The following RALYL variants were observed in gnomAD, a reference collection of about 807,000 sequenced individuals.
RALYL encodes RALY RNA binding protein like.
In RALYL, 29 loss-of-function variants were observed where a neutral mutation model predicts 35.1. The ratio of observed to expected loss-of-function variants is 0.83; its 90% confidence interval spans 0.61 to 1.13. RALYL has a LOEUF of 1.13. Ranked by LOEUF, RALYL falls within the 50% of genes most tolerant of loss-of-function variation. The probability of loss-of-function intolerance (pLI) is 0.00; values close to 1 mark genes in which losing one functional copy is unlikely to be tolerated. For synonymous variants in RALYL, 120 were observed against 127.6 expected, an observed-to-expected ratio of 0.94 and a Z score of 0.40; for missense variants, 359 against 360.4, an observed-to-expected ratio of 1.00 and a Z score of 0.03.
At position 84,492,391 on chromosome 8, in the gene RALYL, CT is replaced by C. The variant is rs1564026173; in HGVS notation, c.-23-36907del. Among the ~76,000 whole-genome samples, 13 of 152,180 alleles carry C rather than the reference CT, an allele frequency of 8.5e-5. No individual in the cohort carries two copies. The South Asian group carries it at 2.5e-3, about 29-fold the overall frequency. On this transcript the variant is annotated intron_variant, in intron 1 of 8. Transcript: ENST00000521268. ...TACAAAACATTTTTTGCAAAATTTA[CT>C]GTATCATATCCATGTTCCAAAAGCA...
At chr8:84,767,712 C>T (rs1360996912) in intron 2 of RALYL, among the ~76,000 whole-genome samples, 1 of 152,088 alleles carries the variant, frequency 6.6e-6, no homozygotes, top group East Asian at 1.9e-4. Flanking sequence ...AGCTTCTCCA[C>T]GCAGATGTGA....
chr8:84,408,377 T>C (rs2043763183), intron 1 of RALYL, among the ~76,000 whole-genome samples: 1 of 152,184 alleles, frequency 6.6e-6, no homozygotes, highest in Non-Finnish European at 1.5e-5. Flanking sequence ...AAAAACTCTG[T>C]CATATATGCC....
At chr8:84,337,986 C>T (rs1290554189) in intron 1 of RALYL, among the ~76,000 whole-genome samples, 1 of 151,948 alleles carries the variant, frequency 6.6e-6, no homozygotes, top group African/African-American at 2.4e-5. Context: ...TCTTACAGCT[C>T]AAATTAGCTC....
At chr8:84,498,359 T>C (rs6473554) in intron 1 of RALYL, among the ~76,000 whole-genome samples, 57,340 of 151,822 alleles carry the variant, frequency 0.38, 10,901 homozygotes, top group South Asian at 0.51. Flanking sequence ...ATATCAAGTC[T>C]TTTTTATATT....
chr8:84,318,786 T>C (rs1844257763), intron 1 of RALYL, among the ~76,000 whole-genome samples: 1 of 152,168 alleles, frequency 6.6e-6, no homozygotes, highest in South Asian at 2.1e-4. Flanking sequence ...TCATAATGTT[T>C]ACAATATAGG....
intron 1 of RALYL, among the ~76,000 whole-genome samples, chr8:84,379,629 ACTG>A (rs1320602373): frequency 6.6e-6 from 1 of 151,782 alleles, no homozygotes; most frequent in Non-Finnish European, 1.5e-5. Context: ...AAGTTTCTTG[ACTG>A]CTTCTTCCAC....
chr8:84,612,607 C>T lies in RALYL; in HGVS notation c.256+83030C>T, dbSNP rs567953147. On this transcript the variant is annotated intron_variant, in intron 2 of 8. Transcript: ENST00000521268. ...ATAAACAGTCTTCAATATTCCTTTC[C>T]GGAGATAATACGATTCTTTTATGTG... Among the ~76,000 whole-genome samples the T allele has an allele frequency of 8.7e-4, 130 of 149,956 alleles. 1 individual carries two copies. In the South Asian group the frequency reaches 0.015, roughly 18 times the overall value.
chr8:84,755,247 A>G (rs1036119575), intron 2 of RALYL, among the ~76,000 whole-genome samples: 1 of 152,210 alleles, frequency 6.6e-6, no homozygotes, highest in African/African-American at 2.4e-5. Flanking sequence ...CTAAAAACAG[A>G]TGCTATGTCT....
chr8:84,245,088 A>G (rs988091431), intron 1 of RALYL, among the ~76,000 whole-genome samples: 9 of 152,158 alleles, frequency 5.9e-5, no homozygotes, highest in African/African-American at 1.9e-4. Flanking sequence ...GAGCTTGGAA[A>G]ATATCAATCT....
chr8:84,482,645 C>A (rs1472618700), intron 1 of RALYL, among the ~76,000 whole-genome samples: 1 of 151,852 alleles, frequency 6.6e-6, no homozygotes, highest in Non-Finnish European at 1.5e-5. Flanking sequence ...AGCTGTATAC[C>A]CCAAAATATA....
At chr8:84,252,308 T>G (rs1257409730) in intron 1 of RALYL, among the ~76,000 whole-genome samples, 1 of 152,156 alleles carries the variant, frequency 6.6e-6, no homozygotes, top group Admixed American at 6.6e-5. Flanking sequence ...TGATATATTT[T>G]TCAGAGTTAC....
intron 2 of RALYL, among the ~76,000 whole-genome samples, chr8:84,644,451 C>T (rs1305805703): frequency 6.6e-6 from 1 of 151,982 alleles, no homozygotes; most frequent in Non-Finnish European, 1.5e-5. Flanking sequence ...AGAAACTTCT[C>T]ATTTATTACA....
rs183900543 is a variant in RALYL, at chr8:84,509,676, T to G, written c.-23-19623T>G. ...ATTTCACATTTAGGTCAAGGATCCA[T>G]TCTGGGTTAATTTTTATAAAGGGTG... On this transcript the variant is annotated intron_variant, in intron 1 of 8. Coordinates refer to ENST00000521268, the MANE Select transcript of RALYL (RefSeq NM_173848.7). Among the ~76,000 whole-genome samples, 11 of 152,262 alleles carry G rather than the reference T, an allele frequency of 7.2e-5. No homozygotes were observed. In the East Asian group the frequency reaches 1.9e-3, roughly 27 times the overall value.
chr8:84,495,359 G>A lies in RALYL; in HGVS notation c.-23-33940G>A, dbSNP rs551794466. Among the ~76,000 whole-genome samples the A allele has an allele frequency of 7.9e-5, 12 of 152,132 alleles. No homozygotes were observed. In the East Asian group the frequency reaches 1.2e-3, roughly 15 times the overall value. On this transcript the variant is annotated intron_variant, in intron 1 of 8. Coordinates refer to ENST00000521268, the MANE Select transcript of RALYL (RefSeq NM_173848.7). Reference sequence around the variant, plus strand: ...GATAACTAAAACAGTGTCAGAGGGCGTAAAATACTTTGAGACATCAACTTG... The same window carrying A: ...GATAACTAAAACAGTGTCAGAGGGCATAAAATACTTTGAGACATCAACTTG...
intron 4 of RALYL, among the ~76,000 whole-genome samples, chr8:84,840,363 G>T (rs1029761012): frequency 1.3e-5 from 2 of 152,120 alleles, no homozygotes; most frequent in Non-Finnish European, 2.9e-5. Context: ...GGAAGAAAGG[G>T]TATCAGTGAT....
chr8:84,467,170 C>T (rs1318048578), intron 1 of RALYL, among the ~76,000 whole-genome samples: 15 of 152,006 alleles, frequency 9.9e-5, no homozygotes, highest in Non-Finnish European at 1.9e-4. Context: ...TTAGTTATTT[C>T]TTGCCTTCTG....
At chr8:84,664,284 T>TTC in intron 2 of RALYL, among the ~76,000 whole-genome samples, 2 of 150,624 alleles carry the variant, frequency 1.3e-5, no homozygotes, top group South Asian at 4.2e-4. Context: ...TTTTTTTTTT[T>TTC]TTTCGCTTTG....
chr8:84,820,320 T>A (rs148439644), intron 4 of RALYL, among the ~76,000 whole-genome samples: 40 of 152,324 alleles, frequency 2.6e-4, no homozygotes, highest in African/African-American at 8.4e-4. Flanking sequence ...GCCAAACTAA[T>A]TTGTAGACAT....
In RALYL at chr8:84,754,166, G is replaced by A. The variant is rs111872629; in HGVS notation, c.257-20413G>A. ...TAATTAGATCCCATTTGTCAATTTT[G>A]CCTTTTGTTGCCATTGCTTTTGGTG... On this transcript the variant is annotated intron_variant, in intron 2 of 8. Transcript: ENST00000521268. Among the ~76,000 whole-genome samples the A allele has an allele frequency of 2.2e-3, 337 of 151,952 alleles. 1 individual carries two copies. Among genetic ancestry groups the A allele is most frequent in the African/African-American group, 7.6e-3 (317 of 41,456 alleles).
Sources: allele counts gnomAD v4.1 joint callset (sites outside exome capture counted in the v4.1 genomes callset), GRCh38; gene constraint gnomAD v4.1.1; transcripts MANE v1.5; gene names NCBI Gene and HGNC (gene_info 2026-07-23, HGNC 2026-07-21).